Variants in CFAP299 observed in about 807,000 individuals in gnomAD.
CFAP299 encodes cilia- and flagella-associated protein 299.
In CFAP299, 21 loss-of-function variants were observed where a neutral mutation model predicts 27.0. That is an observed-to-expected ratio of 0.78 (90% CI 0.55 to 1.12). CFAP299 has a LOEUF of 1.12. CFAP299 is among the 50% of genes most tolerant of loss of function. The pLI is 0.00. For synonymous variants in CFAP299, 104 were observed against 98.1 expected (o/e 1.06, Z -0.36); for missense variants, 310 against 276.6 (o/e 1.12, Z -0.86).
At chr4:80,811,236 T>C (rs72879994) in intron 3 of CFAP299, among the ~76,000 whole-genome samples, 9,865 of 152,212 alleles carry the variant, frequency 0.065, 393 homozygotes, top group Middle Eastern at 0.088. Context: ...AAGAAGCATA[T>C]GTACCCAATA....
At chr4:80,517,579 C>A (rs1255495363) in intron 2 of CFAP299, among the ~76,000 whole-genome samples, 1 of 152,014 alleles carries the variant, frequency 6.6e-6, no homozygotes, top group East Asian at 1.9e-4. Flanking sequence ...AACGATGTAG[C>A]CAGAGATTTG....
At chr4:80,950,709 C>G (rs185912304) in intron 5 of CFAP299, among the ~76,000 whole-genome samples, 1 of 152,220 alleles carries the variant, frequency 6.6e-6, no homozygotes, top group African/African-American at 2.4e-5. Context: ...ATCAGAATCA[C>G]CCAGGAAGCT....
At chr4:80,390,677 G>A (rs567693193) in intron 2 of CFAP299, among the ~76,000 whole-genome samples, 23 of 134,370 alleles carry the variant, frequency 1.7e-4, no homozygotes, top group East Asian at 1.1e-3. Flanking sequence ...ATGTATACAT[G>A]TATACACACA....
At chr4:80,799,127 A>AT (rs1387279775) in intron 3 of CFAP299, among the ~76,000 whole-genome samples, 11 of 121,088 alleles carry the variant, frequency 9.1e-5, no homozygotes, top group African/African-American at 3.2e-4. Flanking sequence ...ATATTTATAC[A>AT]ATATTTATAT....
At chr4:80,401,469 T>C (rs1726151532) in intron 2 of CFAP299, among the ~76,000 whole-genome samples, 1 of 152,202 alleles carries the variant, frequency 6.6e-6, no homozygotes, top group Non-Finnish European at 1.5e-5. Flanking sequence ...GCTTGGGCTG[T>C]GGCTTCAGAG....
chr4:80,434,408 T>C (rs1175773405), intron 2 of CFAP299, among the ~76,000 whole-genome samples: 1 of 152,194 alleles, frequency 6.6e-6, no homozygotes, highest in East Asian at 1.9e-4. Context: ...TCCAGACATA[T>C]CTTCAAAAAG....
At chr4:80,800,339 T>G (rs934435858) in intron 3 of CFAP299, among the ~76,000 whole-genome samples, 1 of 71,024 alleles carries the variant, frequency 1.4e-5, no homozygotes, top group South Asian at 4.5e-4. Context: ...TTAATATATA[T>G]AATATATAAT....
chr4:80,902,370 G>T (rs4992616), intron 4 of CFAP299, among the ~76,000 whole-genome samples: 32,211 of 142,876 alleles, frequency 0.23, 7,343 homozygotes, highest in African/African-American at 0.58. Flanking sequence ...ATAAAATATA[G>T]ATTATATATT....
intron 3 of CFAP299, among the ~76,000 whole-genome samples, chr4:80,860,980 T>C (rs1484981145): frequency 2.6e-5 from 4 of 152,214 alleles, no homozygotes; most frequent in African/African-American, 9.6e-5. Flanking sequence ...AGGTTACTGC[T>C]ATCTTTTTGT....
At chr4:80,853,316 C>T (rs1043372982) in intron 3 of CFAP299, among the ~76,000 whole-genome samples, 2 of 152,182 alleles carry the variant, frequency 1.3e-5, no homozygotes, top group Admixed American at 6.5e-5. Flanking sequence ...CAGGCATGAG[C>T]CACCATGCCC....
At chr4:80,662,804 T>A (rs941221025) in intron 3 of CFAP299, among the ~76,000 whole-genome samples, 19 of 152,246 alleles carry the variant, frequency 1.2e-4, no homozygotes, top group African/African-American at 4.6e-4. Flanking sequence ...AGTAAGCTGG[T>A]CAGGGGCCAG....
chr4:80,923,790 C>A (rs111412782), intron 4 of CFAP299, among the ~76,000 whole-genome samples: 19 of 151,860 alleles, frequency 1.3e-4, no homozygotes, highest in African/African-American at 4.1e-4. Context: ...GTTGTGAAAA[C>A]CATCCATTTT....
At chr4:80,928,656 A>C (rs768691547) in intron 4 of CFAP299, among the ~76,000 whole-genome samples, 11 of 152,090 alleles carry the variant, frequency 7.2e-5, no homozygotes, top group Non-Finnish European at 1.3e-4. Context: ...TAAGCCAAAT[A>C]ATGTTTGTTT....
intron 3 of CFAP299, among the ~76,000 whole-genome samples, chr4:80,664,092 A>G (rs1202142629): frequency 6.6e-6 from 1 of 152,138 alleles, no homozygotes; most frequent in Non-Finnish European, 1.5e-5. Flanking sequence ...TTGCCTGTTC[A>G]TGCTGATGAC....
intron 2 of CFAP299, among the ~76,000 whole-genome samples, chr4:80,466,446 C>CT (rs1729702032): frequency 6.6e-6 from 1 of 152,082 alleles, no homozygotes; most frequent in South Asian, 2.1e-4. Flanking sequence ...TCCCTCAAAA[C>CT]TTTTTTTAAA....
intron 2 of CFAP299, among the ~76,000 whole-genome samples, chr4:80,547,187 C>T (rs1486676548): frequency 1.3e-5 from 2 of 152,034 alleles, no homozygotes; most frequent in African/African-American, 4.8e-5. Context: ...GACACACAGA[C>T]CAATGGAAAA....
chr4:80,542,616 G>A (rs1008176399), intron 2 of CFAP299, among the ~76,000 whole-genome samples: 8 of 152,110 alleles, frequency 5.3e-5, no homozygotes, highest in African/African-American at 1.9e-4. Context: ...ACGGGACCAG[G>A]GCAAGTCTGA....
intron 3 of CFAP299, among the ~76,000 whole-genome samples, chr4:80,793,804 A>G (rs1262149779): frequency 6.6e-6 from 1 of 152,164 alleles, no homozygotes. Flanking sequence ...TTAACAAAAG[A>G]TAGAGGAAAT....
chr4:80,573,314 G>A (rs900166743), intron 2 of CFAP299, among the ~76,000 whole-genome samples: 1 of 151,692 alleles, frequency 6.6e-6, no homozygotes, highest in Non-Finnish European at 1.5e-5. Context: ...TTTTTTGATT[G>A]GATTATTAGA....
Sources: allele counts gnomAD v4.1 joint callset (sites outside exome capture counted in the v4.1 genomes callset), GRCh38; gene constraint gnomAD v4.1.1; transcripts MANE v1.5; gene names NCBI Gene and HGNC (gene_info 2026-07-23, HGNC 2026-07-21).